Variants in SIAH3 observed in about 807,000 individuals in gnomAD.
The protein encoded by SIAH3 is seven in absentia homolog 3.
In SIAH3, 9 loss-of-function variants were observed where a neutral mutation model predicts 12.6. The ratio of observed to expected loss-of-function variants is 0.72; its 90% CI spans 0.43 to 1.25. The LOEUF is 1.25. SIAH3 is among the 50% of genes most tolerant of loss of function. The pLI is 0.00. For missense variants in SIAH3, 390 were observed against 365.4 expected (o/e 1.07, Z -0.55); for synonymous variants, 154 against 151.1 (o/e 1.02, Z -0.14).
intron 1 of SIAH3, among the ~76,000 whole-genome samples, chr13:45,832,935 GTCTT>G (rs1184710987): frequency 6.6e-6 from 1 of 152,240 alleles, no homozygotes; most frequent in Admixed American, 6.5e-5. Context: ...AATCTGAAGA[GTCTT>G]TATTTTGTGG....
chr13:45,788,024 G>C (rs1172769259), intron 1 of SIAH3, among the ~76,000 whole-genome samples: 3 of 152,146 alleles, frequency 2.0e-5, no homozygotes, highest in African/African-American at 7.2e-5. Flanking sequence ...AGCAGCCAAG[G>C]GTATAATCCA....
intron 1 of SIAH3, among the ~76,000 whole-genome samples, chr13:45,846,388 C>T (rs954189933): frequency 6.6e-6 from 1 of 152,078 alleles, no homozygotes; most frequent in African/African-American, 2.4e-5. Context: ...CCGCACCTGA[C>T]CTAGAAGACC....
At chr13:45,793,691 A>G (rs1014766738) in intron 1 of SIAH3, among the ~76,000 whole-genome samples, 2 of 152,122 alleles carry the variant, frequency 1.3e-5, no homozygotes, top group Non-Finnish European at 2.9e-5. Flanking sequence ...GCTTCTCTTC[A>G]TCTGACAGCA....
intron 1 of SIAH3, among the ~76,000 whole-genome samples, chr13:45,789,931 T>A (rs537696453): frequency 3.3e-5 from 5 of 152,186 alleles, no homozygotes; most frequent in Non-Finnish European, 5.9e-5. Flanking sequence ...TTAATCAGCA[T>A]AATAGATGCT....
At chr13:45,817,035 ATCACTG>A (rs1287291055) in intron 1 of SIAH3, among the ~76,000 whole-genome samples, 1 of 152,230 alleles carries the variant, frequency 6.6e-6, no homozygotes, top group East Asian at 1.9e-4. Flanking sequence ...TAGGAATAAT[ATCACTG>A]GCTTTTTAGT....
At chr13:45,814,952 A>C (rs1157386068) in intron 1 of SIAH3, among the ~76,000 whole-genome samples, 1 of 151,862 alleles carries the variant, frequency 6.6e-6, no homozygotes, top group Non-Finnish European at 1.5e-5. Context: ...CAAACTCCTG[A>C]CCTCAAGTGA....
intron 1 of SIAH3, among the ~76,000 whole-genome samples, chr13:45,810,364 G>C (rs1331679676): frequency 6.6e-6 from 1 of 152,202 alleles, no homozygotes; most frequent in Non-Finnish European, 1.5e-5. Context: ...CTTGACTCTT[G>C]TGTGTGTGGT....
intron 1 of SIAH3, among the ~76,000 whole-genome samples, chr13:45,839,931 C>A (rs904443324): frequency 6.6e-6 from 1 of 152,072 alleles, no homozygotes; most frequent in Admixed American, 6.5e-5. Context: ...ATTCTATGAT[C>A]AGGAAGGAGA....
At chr13:45,786,137 G>A (rs1413643692) in intron 1 of SIAH3, among the ~76,000 whole-genome samples, 1 of 152,166 alleles carries the variant, frequency 6.6e-6, no homozygotes, top group Admixed American at 6.5e-5. Flanking sequence ...CCCCTCTCCT[G>A]GGATCATGCA....
At chr13:45,809,339 G>T (rs913598940) in intron 1 of SIAH3, among the ~76,000 whole-genome samples, 1 of 143,326 alleles carries the variant, frequency 7.0e-6, no homozygotes, top group Non-Finnish European at 1.5e-5. Flanking sequence ...ACATGTTTTT[G>T]TGTCCACAAA....
rs1385588818 is a variant in SIAH3 at position 45,778,231 on chromosome 13, T to C, written c.*5152A>G. On this transcript the variant is annotated 3_prime_UTR_variant, in exon 2 of 2. Transcript: ENST00000400405. The stretch of plus-strand genomic sequence containing the variant: ...AATGGTAGATATTTCCAATTTCTAA[T>C]TTCAAAGTAAAACATTTCTTTAGGT... 6.6e-6 allele frequency: 1 copy of C among 152,252 alleles called. No individual in the cohort carries two copies. The highest frequency in any genetic ancestry group is 1.5e-5 in the Non-Finnish European group (1 of 68,040). 9.4% of individuals were successfully genotyped at this position (152,252 alleles called of 1,614,324 possible).
chr13:45,851,644 G>T lies in SIAH3; in HGVS notation c.-15C>A. On this transcript the variant is annotated 5_prime_UTR_variant, in exon 1 of 2. Transcript: ENST00000400405. ...AAGAAAAGCATCACAACTTTTGGGG[G>T]GTTGTTGGTCCGGGAAGGCAGCGGA... 1.2e-6 allele frequency: 2 copies of T among 1,614,104 alleles called. No homozygotes were observed. Among genetic ancestry groups the T allele is most frequent in the South Asian group, 2.2e-5 (2 of 91,060 alleles).
chr13:45,816,610 A>G (rs1011156171), intron 1 of SIAH3, among the ~76,000 whole-genome samples: 1 of 152,190 alleles, frequency 6.6e-6, no homozygotes, highest in African/African-American at 2.4e-5. Flanking sequence ...CTTCCCCCAG[A>G]TAGAGGCTCA....
At chr13:45,847,794 G>A (rs1044735032) in intron 1 of SIAH3, among the ~76,000 whole-genome samples, 13 of 152,084 alleles carry the variant, frequency 8.5e-5, no homozygotes, top group African/African-American at 2.9e-4. Context: ...TTTATCAAAC[G>A]CTGTGGTTAA....
Position 45,783,933 on chromosome 13 carries a change from GGGTGGGCGT to G in SIAH3, c.251_259del (p.His84_His86del). 1 of 1,608,870 alleles carries G rather than the reference GGGTGGGCGT, an allele frequency of 6.2e-7. No individual in the cohort carries two copies. On this transcript the variant is annotated inframe_deletion, in exon 2 of 2. Coordinates refer to ENST00000400405, the MANE Select transcript of SIAH3 (RefSeq NM_198849.3). ...CGCCTCCTGGTGGTGAAGGTGGTGG[GGGTGGGCGT>G]GGTGGCGGAGGTGGTGGTGGTGGCG...
intron 1 of SIAH3, among the ~76,000 whole-genome samples, chr13:45,794,775 G>T (rs922100450): frequency 1.3e-5 from 2 of 152,088 alleles, no homozygotes; most frequent in Non-Finnish European, 2.9e-5. Context: ...AGTCTCAGGT[G>T]TGTCTTTATT....
In SIAH3 at chr13:45,802,971, T is replaced by C. The variant is rs146960271; in HGVS notation, c.136-18914A>G. Among the ~76,000 whole-genome samples, 465 of 151,914 alleles carry C rather than the reference T, an allele frequency of 3.1e-3. 2 individuals carry two copies. The highest frequency in any genetic ancestry group is 0.011 in the African/African-American group (439 of 41,400). ...CCTATAATCCCAGCTACTCAAGAGG[T>C]TGAGGCAGGAGAATTGCTTGAACCT... On this transcript the variant is annotated intron_variant, in intron 1 of 1. Coordinates refer to ENST00000400405, the MANE Select transcript of SIAH3 (RefSeq NM_198849.3).
chr13:45,824,234 A>T (rs553804939), intron 1 of SIAH3, among the ~76,000 whole-genome samples: 1 of 152,194 alleles, frequency 6.6e-6, no homozygotes, highest in Admixed American at 6.5e-5. Context: ...TTTGAAGTCA[A>T]TTCCTTTTAG....
intron 1 of SIAH3, among the ~76,000 whole-genome samples, chr13:45,812,855 T>C (rs1220141009): frequency 6.6e-6 from 1 of 152,158 alleles, no homozygotes; most frequent in Non-Finnish European, 1.5e-5. Flanking sequence ...GTTAGGACAA[T>C]TGGAGAAAGT....
Sources: gnomAD v4.1 joint callset for allele counts (sites outside exome capture counted in the v4.1 genomes callset) on GRCh38, gnomAD v4.1.1 for gene constraint, MANE v1.5 for transcripts, NCBI Gene and HGNC (gene_info 2026-07-23, HGNC 2026-07-21) for gene names.